The following TNFRSF19 variants were observed in gnomAD, a reference collection of about 807,000 sequenced individuals.
TNFRSF19 encodes the protein tumor necrosis factor receptor superfamily member 19.
In TNFRSF19, 27 loss-of-function variants were observed where a neutral mutation model predicts 46.4. The observed-to-expected ratio is 0.58, with a 90% CI of 0.43 to 0.80. The LOEUF (loss-of-function observed/expected upper bound fraction) is 0.80, where lower values mean the gene tolerates loss of function less well. TNFRSF19 is among the 30% of genes least tolerant of loss of function. The probability of loss-of-function intolerance (pLI) is 0.00; values close to 1 mark genes in which losing one functional copy is unlikely to be tolerated. For synonymous variants in TNFRSF19, 204 were observed against 205.0 expected (o/e 1.00, Z 0.04); for missense variants, 511 against 530.8 (o/e 0.96, Z 0.37).
intron 1 of TNFRSF19, among the ~76,000 whole-genome samples, chr13:23,584,858 C>G (rs569283492): frequency 6.6e-6 from 1 of 152,264 alleles, no homozygotes; most frequent in East Asian, 1.9e-4. Flanking sequence ...TCTGCCAACT[C>G]TACTATGTAA....
intron 5 of TNFRSF19, among the ~76,000 whole-genome samples, chr13:23,653,239 C>T (rs1372874040): frequency 1.3e-5 from 2 of 152,182 alleles, no homozygotes; most frequent in East Asian, 3.8e-4. Context: ...AACCCACACC[C>T]CTTCTGCCCA....
chr13:23,586,477 G>T (rs1878848696), intron 1 of TNFRSF19, among the ~76,000 whole-genome samples: 1 of 152,196 alleles, frequency 6.6e-6, no homozygotes, highest in Admixed American at 6.5e-5. Flanking sequence ...GGACCTGCTG[G>T]TGGAAGCAGT....
Position 23,673,808 on chromosome 13 carries a change from C to T in TNFRSF19, c.*428C>T, listed in dbSNP as rs542690501. On this transcript the variant is annotated 3_prime_UTR_variant, in exon 10 of 10. Coordinates refer to ENST00000248484, the MANE Select transcript of TNFRSF19 (RefSeq NM_148957.4). ...TTTCTTTCCAGAAATAATTTCATAC[C>T]GCCTATGAAATATCAGATAAATTAC... 26 of 166,456 alleles carry T rather than the reference C, an allele frequency of 1.6e-4. No homozygotes were observed. Among genetic ancestry groups the T allele is most frequent in the Non-Finnish European group, 2.9e-4 (23 of 78,066 alleles). The allele number at this position is 166,456 out of a possible 1,614,324, so 10.3% of individuals were successfully genotyped here. A position where few individuals can be genotyped will look rare whatever the true frequency, so the allele number is the denominator to read the frequency against.
chr13:23,655,449 C>T (rs1443265218), intron 5 of TNFRSF19, among the ~76,000 whole-genome samples: 1 of 152,150 alleles, frequency 6.6e-6, no homozygotes, highest in Non-Finnish European at 1.5e-5. Flanking sequence ...CTTTCCAAGG[C>T]ATGTGGACCT....
chr13:23,633,836 C>T (rs560070977), intron 5 of TNFRSF19, among the ~76,000 whole-genome samples: 46 of 151,886 alleles, frequency 3.0e-4, no homozygotes, highest in African/African-American at 1.0e-3. Flanking sequence ...GTGACAAGAG[C>T]GAAACTCCAT....
chr13:23,620,259 A>G (rs1008651628), intron 4 of TNFRSF19, among the ~76,000 whole-genome samples: 3 of 152,216 alleles, frequency 2.0e-5, no homozygotes. Flanking sequence ...AGCAAAATGC[A>G]TATTGCTCCC....
intron 1 of TNFRSF19, among the ~76,000 whole-genome samples, chr13:23,580,811 G>A (rs1260321806): frequency 2.0e-5 from 3 of 152,188 alleles, no homozygotes; most frequent in South Asian, 4.1e-4. Context: ...GCACAATATA[G>A]CCTTGGCATC....
At chr13:23,607,299 TG>T (rs1183516655) in intron 3 of TNFRSF19, among the ~76,000 whole-genome samples, 1 of 151,772 alleles carries the variant, frequency 6.6e-6, no homozygotes, top group Non-Finnish European at 1.5e-5. Context: ...CCAGGTGTGG[TG>T]GTGGGCGCCT....
At position 23,573,001 on chromosome 13, in the gene TNFRSF19, A is replaced by G. The variant is rs77196824; in HGVS notation, c.-35+2153A>G. 4.1e-3 allele frequency among the ~76,000 whole-genome samples: 629 copies of G among 152,276 alleles called. 8 individuals are homozygous for G. The highest frequency in any genetic ancestry group is 0.014 in the African/African-American group (600 of 41,576). On this transcript the variant is annotated intron_variant, in intron 1 of 9. Transcript: ENST00000248484. ...CCTCAAGAGAGTTTCCTCATGTGTG[A>G]AGTGAGGGAGTTGATCACATCATCT...
At chr13:23,595,039 A>G (rs1377838323) in intron 3 of TNFRSF19, among the ~76,000 whole-genome samples, 2 of 152,214 alleles carry the variant, frequency 1.3e-5, no homozygotes, top group East Asian at 1.9e-4. Flanking sequence ...GTTTGTAGGA[A>G]AACTAACACA....
chr13:23,637,038 A>G (rs372431725), intron 5 of TNFRSF19, among the ~76,000 whole-genome samples: 60 of 141,310 alleles, frequency 4.2e-4, no homozygotes, highest in African/African-American at 1.4e-3. Flanking sequence ...AAGGAAAATT[A>G]GAGTTGTTGT....
intron 2 of TNFRSF19, 79 bp downstream of exon 2, chr13:23,590,331 C>T: frequency 1.1e-6 from 1 of 889,002 alleles, no homozygotes. Flanking sequence ...GTACCAAAAT[C>T]ATTTTATTTT....
At chr13:23,657,249 C>T (rs1184766932) in intron 5 of TNFRSF19, among the ~76,000 whole-genome samples, 1 of 152,116 alleles carries the variant, frequency 6.6e-6, no homozygotes, top group African/African-American at 2.4e-5. Flanking sequence ...GATGATAGTT[C>T]CTGCTATCCT....
intron 5 of TNFRSF19, among the ~76,000 whole-genome samples, chr13:23,658,570 C>T (rs916496804): frequency 5.9e-5 from 9 of 152,210 alleles, no homozygotes; most frequent in Non-Finnish European, 1.3e-4. Flanking sequence ...CTGGGGTCTA[C>T]TGTAAGGTTC....
chr13:23,602,434 A>G (rs1880225261), intron 3 of TNFRSF19, among the ~76,000 whole-genome samples: 1 of 152,170 alleles, frequency 6.6e-6, no homozygotes, highest in Admixed American at 6.5e-5. Context: ...AGACTTCAAC[A>G]CTATCAGAAA....
chr13:23,583,424 A>G (rs1433833705), intron 1 of TNFRSF19, among the ~76,000 whole-genome samples: 1 of 152,240 alleles, frequency 6.6e-6, no homozygotes, highest in African/African-American at 2.4e-5. Flanking sequence ...TTGGTATTTT[A>G]TGTGTCTAAA....
chr13:23,644,744 G>T (rs1428094526), intron 5 of TNFRSF19, among the ~76,000 whole-genome samples: 1 of 152,198 alleles, frequency 6.6e-6, no homozygotes, highest in East Asian at 1.9e-4. Context: ...GCGGTGAGCT[G>T]TCCTAAACAC....
chr13:23,575,218 G>A (rs1877877059), intron 1 of TNFRSF19, among the ~76,000 whole-genome samples: 1 of 152,132 alleles, frequency 6.6e-6, no homozygotes, highest in African/African-American at 2.4e-5. Flanking sequence ...TCATGAAAAG[G>A]GTCTAGCCAA....
At chr13:23,646,638 A>C (rs1883348415) in intron 5 of TNFRSF19, among the ~76,000 whole-genome samples, 1 of 152,172 alleles carries the variant, frequency 6.6e-6, no homozygotes, top group Non-Finnish European at 1.5e-5. Context: ...AAAAGGCTGA[A>C]TAATATTCCA....
Sources: allele counts gnomAD v4.1 joint callset (sites outside exome capture counted in the v4.1 genomes callset), GRCh38; gene constraint gnomAD v4.1.1; transcripts MANE v1.5; gene names NCBI Gene and HGNC (gene_info 2026-07-23, HGNC 2026-07-21).